Variants in ATP11B observed in about 807,000 individuals in gnomAD.
ATP11B encodes phospholipid-transporting ATPase IF.
ATP11B carries 81 observed loss-of-function variants against 157.8 expected under a neutral mutation model. That is an observed-to-expected ratio of 0.51 (90% CI 0.43 to 0.62). The LOEUF (loss-of-function observed/expected upper bound fraction) is 0.62. ATP11B is among the 20% of genes least tolerant of loss of function. The pLI, the probability that ATP11B is intolerant of heterozygous loss-of-function variation, is 0.00. For synonymous variants in ATP11B, 451 were observed against 469.4 expected (o/e 0.96, Z 0.51); for missense variants, 1,165 against 1,402.2 (o/e 0.83, Z 2.70).
chr3:182,869,891 G>T (rs1332848624), intron 17 of ATP11B, among the ~76,000 whole-genome samples: 2 of 152,228 alleles, frequency 1.3e-5, no homozygotes, highest in Non-Finnish European at 2.9e-5. Context: ...GCAAAATGTG[G>T]TATATCCATA....
chr3:182,822,025 G>A (rs577661310), intron 2 of ATP11B, among the ~76,000 whole-genome samples: 1 of 151,876 alleles, frequency 6.6e-6, no homozygotes, highest in South Asian at 2.1e-4. Context: ...CTCTCGTTTT[G>A]GATGATGGTT....
intron 1 of ATP11B, among the ~76,000 whole-genome samples, chr3:182,811,379 T>G (rs1716654614): frequency 6.6e-6 from 1 of 152,210 alleles, no homozygotes; most frequent in Admixed American, 6.5e-5. Context: ...GTTGTGATGC[T>G]CATAGGACAG....
chr3:182,885,764 G>GT (rs1181815755), intron 22 of ATP11B, among the ~76,000 whole-genome samples, 187 bp from the exon 23 acceptor site: 2 of 152,042 alleles, frequency 1.3e-5, no homozygotes, highest in African/African-American at 4.8e-5. Context: ...TGCTTAGAAT[G>GT]TTTTTAGACA....
chr3:182,899,310 A>G (rs1723789109), intron 28 of ATP11B, among the ~76,000 whole-genome samples: 2 of 151,612 alleles, frequency 1.3e-5, no homozygotes, highest in Non-Finnish European at 2.9e-5. Context: ...CTGCCTCCAC[A>G]CCTGGCTATT....
chr3:182,825,662 G>A (rs182788424), intron 2 of ATP11B, among the ~76,000 whole-genome samples: 2 of 150,676 alleles, frequency 1.3e-5, no homozygotes, highest in East Asian at 3.9e-4. Context: ...GGCGGAGCTT[G>A]TAGTGAACAG....
chr3:182,896,581 T>C (rs1371634409), intron 25 of ATP11B, 119 bp from the exon 26 acceptor site: 1 of 800,648 alleles, frequency 1.2e-6, no homozygotes, highest in African/African-American at 1.7e-5. Flanking sequence ...TAGTCACCAG[T>C]TTCAAATGTA....
chr3:182,896,880 TTAA>T, intron 26 of ATP11B, 115 bp downstream of exon 26: 1 of 729,724 alleles, frequency 1.4e-6, no homozygotes, highest in Admixed American at 2.4e-5. Flanking sequence ...TCAATAACGA[TTAA>T]TTTCACTGGT....
Position 182,920,847 on chromosome 3 carries a change from C to T in ATP11B, c.*2743C>T, listed in dbSNP as rs1391625622. 6.6e-6 allele frequency: 1 copy of T among 152,248 alleles called. No individual in the cohort carries two copies. The highest frequency in any genetic ancestry group is 1.9e-4 in the East Asian group (1 of 5,196). The allele number at this position is 152,248 out of a possible 1,614,324, so 9.4% of individuals were successfully genotyped here. ...TTTATGGTCTGAATTTTCTAACTGT[C>T]CTCTTTCTTGGGTCTAAAGCTCATA... On this transcript the variant is annotated 3_prime_UTR_variant, in exon 30 of 30. Transcript: ENST00000323116.
chr3:182,896,000 G>A (rs1176293719), intron 25 of ATP11B, among the ~76,000 whole-genome samples: 4 of 152,190 alleles, frequency 2.6e-5, no homozygotes, highest in Non-Finnish European at 5.9e-5. Flanking sequence ...ATAGCAGGGA[G>A]CTTACAAAAC....
At chr3:182,805,466 T>C (rs1032376999) in intron 1 of ATP11B, among the ~76,000 whole-genome samples, 2 of 151,898 alleles carry the variant, frequency 1.3e-5, no homozygotes, top group African/African-American at 4.8e-5. Context: ...TTTTTTTTTT[T>C]CTTTTGAGAC....
At chr3:182,847,503 G>A (rs894295084) in intron 9 of ATP11B, among the ~76,000 whole-genome samples, 3 of 152,078 alleles carry the variant, frequency 2.0e-5, no homozygotes, top group Non-Finnish European at 4.4e-5. Flanking sequence ...CTCCCTATTG[G>A]ATCATTCTGG....
At chr3:182,793,932 C>CGG in intron 1 of ATP11B, 146 bp downstream of exon 1, 3 of 430,756 alleles carry the variant, frequency 7.0e-6, no homozygotes, top group Non-Finnish European at 1.1e-5. Flanking sequence ...GCGCGGGGCC[C>CGG]AGAGCCGGAG....
intron 1 of ATP11B, among the ~76,000 whole-genome samples, chr3:182,818,443 T>C (rs576888400): frequency 6.6e-6 from 1 of 152,338 alleles, no homozygotes; most frequent in Non-Finnish European, 1.5e-5. Context: ...CACATAATGC[T>C]ACATTCACAT....
chr3:182,882,913 T>C (rs895438227), intron 21 of ATP11B, among the ~76,000 whole-genome samples: 6 of 152,106 alleles, frequency 3.9e-5, no homozygotes, highest in Non-Finnish European at 8.8e-5. Flanking sequence ...CTAAAAAGAA[T>C]ACTAAATGTA....
At chr3:182,909,162 A>G (rs950303935) in intron 28 of ATP11B, among the ~76,000 whole-genome samples, 3 of 152,244 alleles carry the variant, frequency 2.0e-5, no homozygotes, top group Admixed American at 2.0e-4. Context: ...AATATTTTGT[A>G]TAAGCAATAA....
At chr3:182,901,911 C>T (rs1723996122) in intron 28 of ATP11B, among the ~76,000 whole-genome samples, 1 of 151,832 alleles carries the variant, frequency 6.6e-6, no homozygotes, top group Non-Finnish European at 1.5e-5. Flanking sequence ...GTATAGTCTT[C>T]CTTCTTGGCT....
In ATP11B at chr3:182,866,504, T is replaced by G; in HGVS notation, c.1619+61T>G. 4.5e-6 allele frequency: 6 copies of G among 1,319,966 alleles called. No individual in the cohort carries two copies. In the East Asian group the frequency reaches 1.1e-4, roughly 23 times the overall value. The allele number at this position is 1,319,966 out of a possible 1,614,324, so 81.8% of individuals were successfully genotyped here. A position where few individuals can be genotyped will look rare whatever the true frequency, so the allele number is the denominator to read the frequency against. On this transcript the variant is annotated intron_variant, in intron 14 of 29. Coordinates refer to ENST00000323116, the MANE Select transcript of ATP11B (RefSeq NM_014616.3). ...ACCATTTAAATAAATGTAACAATAT[T>G]AGAATCATCATTTAAAATTTTCAAA...
chr3:182,899,275 C>T (rs1723785867), intron 28 of ATP11B, among the ~76,000 whole-genome samples: 1 of 151,340 alleles, frequency 6.6e-6, no homozygotes, highest in Non-Finnish European at 1.5e-5. Flanking sequence ...CCTCTCTCAG[C>T]CTTGTGAGCT....
At chr3:182,862,843 A>G (rs1432980844) in intron 12 of ATP11B, among the ~76,000 whole-genome samples, 2 of 151,414 alleles carry the variant, frequency 1.3e-5, no homozygotes, top group African/African-American at 4.9e-5. Flanking sequence ...CTCATGGTGA[A>G]GTTTTAAGAG....
Sources: gnomAD v4.1 joint callset for allele counts (sites outside exome capture counted in the v4.1 genomes callset) on GRCh38, gnomAD v4.1.1 for gene constraint, MANE v1.5 for transcripts, NCBI Gene and HGNC (gene_info 2026-07-23, HGNC 2026-07-21) for gene names.